SYNE2: variants seen among roughly 807,000 people sequenced by gnomAD.
The protein encoded by SYNE2 is nesprin-2.
Under a neutral mutation model 856.3 loss-of-function variants are expected in SYNE2, and 431 were observed. The observed-to-expected ratio is 0.50, with a 90% CI of 0.47 to 0.55. SYNE2 has a LOEUF of 0.55. SYNE2 is among the 20% of genes least tolerant of loss of function. The probability of loss-of-function intolerance (pLI) is 0.00; values close to 1 mark genes in which losing one functional copy is unlikely to be tolerated. For missense variants in SYNE2, 8,129 were observed against 8,023.2 expected (o/e 1.01, Z -0.50); for synonymous variants, 2,923 against 2,872.3 (o/e 1.02, Z -0.56).
intron 80 of SYNE2, 117 bp from the exon 81 acceptor site, chr14:64,141,224 G>GTA: frequency 2.6e-6 from 2 of 772,210 alleles, no homozygotes; most frequent in Non-Finnish European, 4.2e-6. Flanking sequence ...GTGTGTGTGT[G>GTA]TGTATACACA....
At chr14:63,967,630 A>G (rs1188836127) in intron 10 of SYNE2, 79 bp from the exon 11 acceptor site, 13 of 1,456,708 alleles carry the variant, frequency 8.9e-6, no homozygotes, top group African/African-American at 2.8e-5. Context: ...TCCTATACCT[A>G]TAGACCTCAA....
At chr14:64,134,662 C>T (rs1056438471) in intron 78 of SYNE2, among the ~76,000 whole-genome samples, 2 of 152,154 alleles carry the variant, frequency 1.3e-5, no homozygotes, top group African/African-American at 4.8e-5. Context: ...AGACAATAAT[C>T]TTACCTGTCA....
intron 63 of SYNE2, chr14:64,099,269 A>G (rs2097702005): frequency 5.7e-6 from 1 of 174,592 alleles, no homozygotes; most frequent in Admixed American, 5.6e-5. Context: ...AACTGGTTGA[A>G]TGAGACATTT....
chr14:64,150,186 C>G (rs1406235218), intron 84 of SYNE2, among the ~76,000 whole-genome samples: 2 of 143,604 alleles, frequency 1.4e-5, no homozygotes, highest in African/African-American at 5.1e-5. Context: ...GCCTCAGCTA[C>G]TTGGGAGACT....
At chr14:63,822,619 A>C (rs1366721598) in intron 1 of SYNE2, among the ~76,000 whole-genome samples, 1 of 152,236 alleles carries the variant, frequency 6.6e-6, no homozygotes, top group Non-Finnish European at 1.5e-5. Context: ...TGCAAAGGTT[A>C]AACATATTAC....
At position 64,049,668 on chromosome 14, in the gene SYNE2, G is replaced by C; in HGVS notation, c.7435G>C (p.Glu2479Gln). Residue 2479 changes from glutamate to glutamine, a missense_variant, in exon 47 of 116, where the codon GAA (glutamate) becomes CAA (glutamine). Glu to Gln is a conservative substitution (Grantham distance 29). Coordinates refer to ENST00000555002, the MANE Select transcript of SYNE2 (RefSeq NM_182914.3). The stretch of plus-strand genomic sequence containing the variant: ...AGCCATTAAGCCACTGGAACAAACA[G>C]AATGTCTTAACAAAACAGAAACTGG... ...KAAIKPLEQTECLNKTETGAL... is the reference protein window; with the variant it reads ...KAAIKPLEQTQCLNKTETGAL... 6.2e-7 allele frequency: 1 copy of C among 1,614,064 alleles called. No homozygotes were observed. Among genetic ancestry groups the C allele is most frequent in the Non-Finnish European group, 8.5e-7 (1 of 1,180,002 alleles).
chr14:63,929,784 A>AC (rs1555383351), intron 2 of SYNE2, among the ~76,000 whole-genome samples: 2 of 149,566 alleles, frequency 1.3e-5, no homozygotes, highest in Non-Finnish European at 3.0e-5. Context: ...AAAAAAAAAA[A>AC]TTTTTTTTTT....
intron 11 of SYNE2, among the ~76,000 whole-genome samples, chr14:63,975,152 G>A (rs947616051): frequency 1.3e-5 from 2 of 151,414 alleles, no homozygotes; most frequent in Non-Finnish European, 2.9e-5. Context: ...ATTCATACAC[G>A]ACACATGGAG....
At chr14:63,853,437 T>C (rs1179930318) in intron 1 of SYNE2, among the ~76,000 whole-genome samples, 2 of 150,670 alleles carry the variant, frequency 1.3e-5, no homozygotes, top group Non-Finnish European at 3.0e-5. Flanking sequence ...TTGTGTCACC[T>C]CCGGGCCCCA....
chr14:63,775,034 T>A (rs1248259537), intron 1 of SYNE2, among the ~76,000 whole-genome samples: 2 of 152,192 alleles, frequency 1.3e-5, no homozygotes, highest in African/African-American at 4.8e-5. Context: ...TGGAGTGCAA[T>A]GGCATGATCT....
chr14:64,052,017 T>G lies in SYNE2; in HGVS notation c.8104T>G (p.Leu2702Val), dbSNP rs768203217. ...RIWGEKEKKN[L>V]EDGINNLKKQ... ...TTGGGGAGAAAAAGAAAAGAAGAAT[T>G]TGGAGGATGGAATAAATAACTTGAA... Residue 2702 changes from leucine to valine, a missense_variant, in exon 48 of 116, where the codon TTG becomes GTG. By Grantham distance (32) the Leu-to-Val change is conservative. Transcript: ENST00000555002. 6.2e-7 allele frequency: 1 copy of G among 1,613,638 alleles called. No homozygotes were observed. The highest frequency in any genetic ancestry group is 8.5e-7 in the Non-Finnish European group (1 of 1,179,924).
intron 57 of SYNE2, chr14:64,084,377 G>A (rs2097544765): frequency 1.3e-5 from 2 of 152,232 alleles, no homozygotes; most frequent in East Asian, 1.9e-4. Flanking sequence ...CTCCCAAGAC[G>A]TTTCCTCCTG....
Position 64,027,725 on chromosome 14 carries a change from C to A in SYNE2, c.6646C>A (p.Pro2216Thr), listed in dbSNP as rs1265895704. The A allele has an allele frequency of 6.2e-7, 1 of 1,614,088 alleles. No homozygotes were observed. The highest frequency in any genetic ancestry group is 8.5e-7 in the Non-Finnish European group (1 of 1,179,984). The stretch of plus-strand genomic sequence containing the variant: ...CTACCTCTTGGAGTGCACTAAAAAT[C>A]CCAGCTTCAGTGAAGAGCCTTGGCT... ...GNYLLECTKN[P>T]SFSEEPWLEI... The change falls in exon 43 of 116, where the codon CCC (proline) becomes ACC (threonine). Residue 2216 changes from proline (P) to threonine (T), a missense_variant. Physicochemically the swap from Pro to Thr is conservative, Grantham distance 38. Coordinates refer to ENST00000555002, the MANE Select transcript of SYNE2 (RefSeq NM_182914.3).
chr14:63,962,789 G>T (rs2096338526), intron 9 of SYNE2, among the ~76,000 whole-genome samples: 1 of 152,022 alleles, frequency 6.6e-6, no homozygotes, highest in Non-Finnish European at 1.5e-5. Flanking sequence ...TGATCTGCCT[G>T]CCTTGGCCTC....
intron 45 of SYNE2, among the ~76,000 whole-genome samples, chr14:64,043,323 T>A (rs190054060): frequency 6.6e-6 from 1 of 152,306 alleles, no homozygotes; most frequent in East Asian, 1.9e-4. Context: ...TGTTTCAGTC[T>A]GACAATACGA....
chr14:63,828,641 G>C (rs556297125), intron 1 of SYNE2, among the ~76,000 whole-genome samples: 25 of 152,190 alleles, frequency 1.6e-4, no homozygotes, highest in Non-Finnish European at 3.2e-4. Context: ...TTAGGCAGGA[G>C]AATTACTTGA....
chr14:63,818,697 TTTTC>T (rs1044226872), intron 1 of SYNE2, among the ~76,000 whole-genome samples: 2 of 123,912 alleles, frequency 1.6e-5, no homozygotes, highest in African/African-American at 2.6e-5. Context: ...CATTTTTTTC[TTTTC>T]TTTTTTTTTT....
chr14:64,161,841 T>C (rs1463773040), intron 87 of SYNE2, among the ~76,000 whole-genome samples: 1 of 152,108 alleles, frequency 6.6e-6, no homozygotes, highest in African/African-American at 2.4e-5. Context: ...TTGCCAATCA[T>C]ACATTTTGTA....
At chr14:64,179,821 T>G (rs1050304180) in intron 96 of SYNE2, among the ~76,000 whole-genome samples, 3 of 152,190 alleles carry the variant, frequency 2.0e-5, no homozygotes, top group Admixed American at 6.5e-5. Flanking sequence ...TCTTTTCCCA[T>G]CTGAGAGCCT....
Sources: gnomAD v4.1 joint callset for allele counts (sites outside exome capture counted in the v4.1 genomes callset) on GRCh38, gnomAD v4.1.1 for gene constraint, MANE v1.5 for transcripts, NCBI Gene and HGNC (gene_info 2026-07-23, HGNC 2026-07-21) for gene names.